STK32B: variants seen among roughly 807,000 people sequenced by gnomAD.
The protein encoded by STK32B is serine/threonine-protein kinase 32B.
Under a neutral mutation model 52.6 loss-of-function variants are expected in STK32B, and 43 were observed. The ratio of observed to expected loss-of-function variants is 0.82; its 90% CI spans 0.64 to 1.05. The LOEUF (loss-of-function observed/expected upper bound fraction) is 1.05. Among genes scored for constraint, STK32B ranks in the 50% least tolerant of loss-of-function variants. The probability of loss-of-function intolerance (pLI) is 0.00; values close to 1 mark genes in which losing one functional copy is unlikely to be tolerated. For missense variants in STK32B, 621 were observed against 534.6 expected, an observed-to-expected ratio of 1.16 and a Z score of -1.59; for synonymous variants, 238 against 204.3, an observed-to-expected ratio of 1.17 and a Z score of -1.41.
chr4:5,369,560 C>G (rs1735094046), intron 4 of STK32B, among the ~76,000 whole-genome samples: 1 of 152,140 alleles, frequency 6.6e-6, no homozygotes, highest in South Asian at 2.1e-4. Context: ...TTTAGCCCCT[C>G]TCTTGGCTTC....
intron 1 of STK32B, among the ~76,000 whole-genome samples, chr4:5,072,550 G>T (rs1424931858): frequency 6.6e-6 from 1 of 152,024 alleles, no homozygotes; most frequent in Non-Finnish European, 1.5e-5. Flanking sequence ...GAGAAATCTA[G>T]AACAGGAATC....
chr4:5,385,991 C>G (rs1424702007), intron 4 of STK32B, among the ~76,000 whole-genome samples: 1 of 138,880 alleles, frequency 7.2e-6, no homozygotes, highest in Non-Finnish European at 1.6e-5. Context: ...CCCACAGCCC[C>G]CACCCATGGC....
intron 1 of STK32B, among the ~76,000 whole-genome samples, chr4:5,064,484 TTA>T (rs1426459342): frequency 1.4e-5 from 1 of 72,682 alleles, no homozygotes; most frequent in African/African-American, 4.5e-5. Context: ...AAATATATAC[TTA>T]TGTTATATAC....
chr4:5,034,433 A>G, the STK32B span, among the ~76,000 whole-genome samples: 1 of 152,126 alleles, frequency 6.6e-6, no homozygotes, highest in African/African-American at 2.4e-5. Context: ...CAGCACTCCA[A>G]AAATATTCTA....
At chr4:5,455,388 T>G (rs1012854523) in intron 7 of STK32B, among the ~76,000 whole-genome samples, 6 of 152,266 alleles carry the variant, frequency 3.9e-5, no homozygotes, top group Admixed American at 2.6e-4. Flanking sequence ...GCCAGTAAGG[T>G]CAGTGCAAGC....
chr4:5,238,589 G>C (rs1577228711), intron 3 of STK32B, among the ~76,000 whole-genome samples: 2 of 152,222 alleles, frequency 1.3e-5, no homozygotes, highest in South Asian at 4.1e-4. Flanking sequence ...TCCTCTTAAA[G>C]GGATTGTTTA....
Position 5,058,121 on chromosome 4 carries a change from G to A in STK32B, c.52+6206G>A, listed in dbSNP as rs186420928. ...GTACCCTTATGCATTGAAGATTTTG[G>A]CCTCTGCTTCATCTCTCACAAGTGC... On this transcript the variant is annotated intron_variant, in intron 1 of 11. Coordinates refer to ENST00000282908, the MANE Select transcript of STK32B (RefSeq NM_018401.3). This position sits in a 1 kb window ranked among gnomAD's most constrained non-coding sequence, Gnocchi z 4.8. Among the ~76,000 whole-genome samples the A allele has an allele frequency of 2.4e-4, 37 of 152,120 alleles. 1 individual carries two copies. In the East Asian group the frequency reaches 6.8e-3, roughly 28 times the overall value.
intron 7 of STK32B, among the ~76,000 whole-genome samples, chr4:5,449,293 A>G (rs1164648961): frequency 2.6e-5 from 4 of 152,228 alleles, no homozygotes; most frequent in African/African-American, 9.6e-5. Flanking sequence ...CAGTGAGCCA[A>G]GATCGTGCCA....
In STK32B at chr4:5,500,278, T is replaced by TAAAC. The variant is rs541661531; in HGVS notation, c.*1197_*1200dup. The TAAAC allele has an allele frequency of 1.6e-4, 25 of 152,322 alleles. No homozygotes were observed. In the South Asian group the frequency reaches 1.7e-3, roughly 10 times the overall value. 9.4% of individuals were successfully genotyped at this position (152,322 alleles called of 1,614,324 possible). A position where few individuals can be genotyped will look rare whatever the true frequency, so the allele number is the denominator to read the frequency against. Reference sequence around the variant, plus strand: ...CTCTGAATGGCAGTTTCCTCATTTTTAAACAGGGATAATAAAACTAATATT... The same window carrying TAAAC: ...CTCTGAATGGCAGTTTCCTCATTTTTAAACAAACAGGGATAATAAAACTAATATT... On this transcript the variant is annotated 3_prime_UTR_variant, in exon 12 of 12. Transcript: ENST00000282908.
chr4:5,490,249 G>C (rs1358175503), intron 11 of STK32B, among the ~76,000 whole-genome samples: 1 of 152,018 alleles, frequency 6.6e-6, no homozygotes. Context: ...TGGGATTACA[G>C]GTGTGTGCCA....
At chr4:5,344,887 G>C (rs1733343820) in intron 4 of STK32B, among the ~76,000 whole-genome samples, 1 of 151,978 alleles carries the variant, frequency 6.6e-6, no homozygotes, top group African/African-American at 2.4e-5. Context: ...AAAAGTTCAA[G>C]ACCAGCCTGG....
chr4:5,413,888 T>C (rs1711925696), intron 5 of STK32B, among the ~76,000 whole-genome samples: 1 of 152,246 alleles, frequency 6.6e-6, no homozygotes. Flanking sequence ...CACATGCTCA[T>C]ATTCTGTTTA....
intron 4 of STK32B, among the ~76,000 whole-genome samples, chr4:5,369,459 C>T (rs1395763210): frequency 6.6e-6 from 1 of 152,072 alleles, no homozygotes; most frequent in Non-Finnish European, 1.5e-5. Flanking sequence ...GGGCAGGCAG[C>T]AGGCTCACTG....
chr4:5,249,887 G>T (rs1218902766), intron 3 of STK32B, among the ~76,000 whole-genome samples: 2 of 152,140 alleles, frequency 1.3e-5, no homozygotes, highest in East Asian at 1.9e-4. Context: ...GTACTCGATA[G>T]ATGGTTTTTG....
chr4:5,367,455 C>T (rs1024638796), intron 4 of STK32B, among the ~76,000 whole-genome samples: 8 of 152,150 alleles, frequency 5.3e-5, no homozygotes, highest in African/African-American at 1.9e-4. Context: ...GCAGCTTGCT[C>T]CTTATTGACC....
chr4:5,139,167 C>A (rs556732509), intron 1 of STK32B, among the ~76,000 whole-genome samples: 1 of 152,078 alleles, frequency 6.6e-6, no homozygotes, highest in African/African-American at 2.4e-5. Context: ...CATGGAGCTA[C>A]CTGATGAAAG....
rs1395182433 is a variant in STK32B at position 5,470,244 on chromosome 4, G to T, written c.1106+2174G>T. On this transcript the variant is annotated intron_variant, in intron 11 of 11. Coordinates refer to ENST00000282908, the MANE Select transcript of STK32B (RefSeq NM_018401.3). The surrounding 1 kb of genome is among the most constrained non-coding windows in gnomAD (Gnocchi z 4.6). ...TGTTTTCTTCCTCACGTGTAAATGG[G>T]AATTGATGAGGGAAATGCAGTTGGC... Among the ~76,000 whole-genome samples the T allele has an allele frequency of 1.3e-5, 2 of 152,186 alleles. No homozygotes were observed. The highest frequency in any genetic ancestry group is 4.8e-5 in the African/African-American group (2 of 41,442).
At chr4:5,415,614 C>T (rs168986) in intron 5 of STK32B, among the ~76,000 whole-genome samples, 1 of 152,062 alleles carries the variant, frequency 6.6e-6, no homozygotes, top group Non-Finnish European at 1.5e-5. Flanking sequence ...TGGGTGACTT[C>T]AGCTTCATCC....
At chr4:5,425,059 C>T (rs774875459) in intron 6 of STK32B, among the ~76,000 whole-genome samples, 10 of 152,218 alleles carry the variant, frequency 6.6e-5, no homozygotes, top group Non-Finnish European at 1.3e-4. Flanking sequence ...CTGTTCACCC[C>T]GCCACAGCCA....
Sources: gnomAD v4.1 joint callset for allele counts (sites outside exome capture counted in the v4.1 genomes callset) on GRCh38, gnomAD v4.1.1 for gene constraint, Gnocchi (gnomAD v3.1) non-coding constraint, MANE v1.5 for transcripts, NCBI Gene and HGNC (gene_info 2026-07-23, HGNC 2026-07-21) for gene names.